The following TENM3 variants were observed in gnomAD, a reference collection of about 807,000 sequenced individuals.
TENM3 encodes teneurin transmembrane protein 3.
Under a neutral mutation model 255.1 loss-of-function variants are expected in TENM3, and 63 were observed. The ratio of observed to expected loss-of-function variants is 0.25; its 90% CI spans 0.20 to 0.30. The LOEUF (loss-of-function observed/expected upper bound fraction) is 0.30. Ranked by LOEUF, TENM3 falls within the 10% of genes least tolerant of loss-of-function variation. TENM3 has a pLI of 1.00. For missense variants in TENM3, 2,929 were observed against 3,461.1 expected (o/e 0.85, Z 3.86); for synonymous variants, 1,306 against 1,322.3 (o/e 0.99, Z 0.27).
chr4:181,611,424 T>G, the TENM3 span, among the ~76,000 whole-genome samples: 2 of 152,206 alleles, frequency 1.3e-5, no homozygotes, highest in East Asian at 3.9e-4. Context: ...GTCAGACTTT[T>G]ATTCCTCCTC....
the TENM3 span, among the ~76,000 whole-genome samples, chr4:181,759,248 G>T: frequency 2.6e-5 from 4 of 152,024 alleles, no homozygotes; most frequent in African/African-American, 9.7e-5. Flanking sequence ...GTTTATTAAA[G>T]GTGTGAGAAT....
the TENM3 span, among the ~76,000 whole-genome samples, chr4:181,883,403 C>T: frequency 6.6e-6 from 1 of 152,090 alleles, no homozygotes; most frequent in African/African-American, 2.4e-5. Flanking sequence ...TGTCACTGAT[C>T]CAGGTATTTT....
At chr4:181,945,847 C>G in the TENM3 span, among the ~76,000 whole-genome samples, 1 of 152,162 alleles carries the variant, frequency 6.6e-6, no homozygotes, top group South Asian at 2.1e-4. Flanking sequence ...GACATTTTTC[C>G]TATGCCTACG....
the TENM3 span, among the ~76,000 whole-genome samples, chr4:182,124,726 T>C: frequency 1.1e-4 from 16 of 152,228 alleles, no homozygotes; most frequent in African/African-American, 3.9e-4. Context: ...TCAAGTACGA[T>C]AAGTCCCTTC....
At chr4:181,539,802 T>A in the TENM3 span, among the ~76,000 whole-genome samples, 407 of 152,342 alleles carry the variant, frequency 2.7e-3, 1 homozygote, top group African/African-American at 9.3e-3. Context: ...ATAGAATATA[T>A]GATGAAATTA....
intron 1 of TENM3, among the ~76,000 whole-genome samples, chr4:182,162,099 T>C (rs998741407): frequency 1.3e-5 from 2 of 151,314 alleles, no homozygotes; most frequent in Non-Finnish European, 2.9e-5. Flanking sequence ...GTGCAGGCTG[T>C]CCTCAAACTC....
intron 1 of TENM3, among the ~76,000 whole-genome samples, chr4:182,204,175 G>A (rs1235337897): frequency 6.6e-6 from 1 of 152,234 alleles, no homozygotes; most frequent in African/African-American, 2.4e-5. Context: ...ATTACGAAAT[G>A]TAAGGAATCC....
intron 1 of TENM3, among the ~76,000 whole-genome samples, chr4:182,306,243 G>T (rs28702044): frequency 6.6e-6 from 1 of 151,270 alleles, no homozygotes; most frequent in Non-Finnish European, 1.5e-5. Context: ...ACCCAGGCTG[G>T]AGTACAGTGG....
At chr4:181,933,908 T>G in the TENM3 span, among the ~76,000 whole-genome samples, 2 of 152,150 alleles carry the variant, frequency 1.3e-5, no homozygotes, top group Non-Finnish European at 2.9e-5. Context: ...AATTAAGGTG[T>G]ATGGGATGTC....
At chr4:182,102,121 C>T in the TENM3 span, among the ~76,000 whole-genome samples, 6 of 152,286 alleles carry the variant, frequency 3.9e-5, no homozygotes, top group South Asian at 2.1e-4. Flanking sequence ...GGCTACAACC[C>T]GGTGGGACAC....
At chr4:182,511,118 T>G (rs1737350674) in intron 3 of TENM3, among the ~76,000 whole-genome samples, 1 of 152,196 alleles carries the variant, frequency 6.6e-6, no homozygotes, top group African/African-American at 2.4e-5. Context: ...CCAATACTCA[T>G]GCTGCTTGCT....
Position 182,672,230 on chromosome 4 carries a change from A to C in TENM3, c.1112-775A>C, listed in dbSNP as rs1380502624. Among the ~76,000 whole-genome samples, 4 of 152,182 alleles carry C rather than the reference A, an allele frequency of 2.6e-5. 1 individual carries two copies. The highest frequency in any genetic ancestry group is 2.6e-4 in the Admixed American group (4 of 15,276). On this transcript the variant is annotated intron_variant, in intron 6 of 27. Coordinates refer to ENST00000511685, the MANE Select transcript of TENM3 (RefSeq NM_001080477.4). ...CTAGAAGGAGGCCATGCAGGAAGAG[A>C]AGAGATGGTGTCTCTTAACAGGTGG...
the TENM3 span, among the ~76,000 whole-genome samples, chr4:181,844,636 C>A: frequency 1.3e-5 from 2 of 151,668 alleles, no homozygotes; most frequent in African/African-American, 2.4e-5. Flanking sequence ...CCACTGCACT[C>A]CAGCCTGGGC....
At chr4:181,782,777 A>T in the TENM3 span, among the ~76,000 whole-genome samples, 2 of 152,136 alleles carry the variant, frequency 1.3e-5, no homozygotes, top group East Asian at 3.9e-4. Context: ...AATTTCCCTC[A>T]ACACACTGCT....
intron 1 of TENM3, among the ~76,000 whole-genome samples, chr4:182,261,027 C>G (rs181052466): frequency 6.6e-6 from 1 of 152,042 alleles, no homozygotes; most frequent in Admixed American, 6.6e-5. Context: ...AGGTGCGCAC[C>G]AGCACGCCCA....
At position 182,495,505 on chromosome 4, in the gene TENM3, G is replaced by GA. The variant is rs35571334; in HGVS notation, c.512-105409dup. 6.0e-4 allele frequency among the ~76,000 whole-genome samples: 89 copies of GA among 148,040 alleles called. 1 individual carries two copies. The highest frequency in any genetic ancestry group is 1.3e-3 in the African/African-American group (53 of 40,740). ...TGTTTCTTTAGTTTCCTTTAAAAGT[G>GA]AAAAAAAAAATGACTGTATGAATGA... On this transcript the variant is annotated intron_variant, in intron 3 of 27. Coordinates refer to ENST00000511685, the MANE Select transcript of TENM3 (RefSeq NM_001080477.4).
the TENM3 span, among the ~76,000 whole-genome samples, chr4:181,693,812 G>C: frequency 6.6e-6 from 1 of 152,140 alleles, no homozygotes; most frequent in Admixed American, 6.5e-5. Context: ...GATAAGAATA[G>C]CCTTGCATGT....
chr4:182,091,293 A>G, the TENM3 span, among the ~76,000 whole-genome samples: 1 of 152,190 alleles, frequency 6.6e-6, no homozygotes, highest in African/African-American at 2.4e-5. Context: ...AATCAACAAA[A>G]AGTATACTAG....
At chr4:181,747,118 A>G in the TENM3 span, among the ~76,000 whole-genome samples, 1 of 152,140 alleles carries the variant, frequency 6.6e-6, no homozygotes, top group African/African-American at 2.4e-5. Flanking sequence ...ATGCAAATTT[A>G]TACTTCCACC....
Sources: allele counts gnomAD v4.1 joint callset (sites outside exome capture counted in the v4.1 genomes callset), GRCh38; gene constraint gnomAD v4.1.1; transcripts MANE v1.5; gene names NCBI Gene and HGNC (gene_info 2026-07-23, HGNC 2026-07-21).